Variants in PLD5 observed in about 807,000 individuals in gnomAD.
PLD5 encodes the protein phospholipase D family member 5.
Under a neutral mutation model 61.1 loss-of-function variants are expected in PLD5, and 36 were observed. The ratio of observed to expected loss-of-function variants is 0.59; its 90% confidence interval spans 0.45 to 0.78. The LOEUF is 0.78. PLD5 is among the 30% of genes least tolerant of loss of function. PLD5 has a pLI of 0.00. For synonymous variants in PLD5, 243 were observed against 242.8 expected, an observed-to-expected ratio of 1.00 and a Z score of -0.01; for missense variants, 515 against 644.4, an observed-to-expected ratio of 0.80 and a Z score of 2.17.
chr1:242,115,616 T>C (rs555516330), intron 6 of PLD5, among the ~76,000 whole-genome samples: 2 of 151,114 alleles, frequency 1.3e-5, no homozygotes, highest in South Asian at 4.2e-4. Context: ...TCATCTGAAA[T>C]GTGATGATGT....
intron 1 of PLD5, among the ~76,000 whole-genome samples, chr1:242,457,894 C>T (rs935026102): frequency 6.6e-6 from 1 of 152,196 alleles, no homozygotes; most frequent in African/African-American, 2.4e-5. Context: ...ACGCTCCTAT[C>T]GAGGTCTATG....
At chr1:242,108,082 T>G (rs1661206382) in intron 7 of PLD5, among the ~76,000 whole-genome samples, 1 of 152,124 alleles carries the variant, frequency 6.6e-6, no homozygotes, top group Non-Finnish European at 1.5e-5. Context: ...CCTTGGGCTG[T>G]GTGGGCTGGG....
At chr1:242,419,840 G>A (rs1267822607) in intron 1 of PLD5, among the ~76,000 whole-genome samples, 1 of 152,076 alleles carries the variant, frequency 6.6e-6, no homozygotes, top group African/African-American at 2.4e-5. Flanking sequence ...CACAGCTTTG[G>A]TGCCACAACT....
chr1:242,250,691 A>G (rs1323310040), intron 4 of PLD5, among the ~76,000 whole-genome samples: 4 of 152,250 alleles, frequency 2.6e-5, no homozygotes, highest in Non-Finnish European at 4.4e-5. Context: ...TTCAAATAAA[A>G]CATTCAGCAA....
At chr1:242,215,397 G>C (rs1025888240) in intron 5 of PLD5, among the ~76,000 whole-genome samples, 1 of 152,018 alleles carries the variant, frequency 6.6e-6, no homozygotes, top group Non-Finnish European at 1.5e-5. Context: ...AAACAAAAAG[G>C]GGGGAATATG....
At chr1:242,393,202 A>C (rs1197058155) in intron 1 of PLD5, among the ~76,000 whole-genome samples, 1 of 74,710 alleles carries the variant, frequency 1.3e-5, no homozygotes, top group Non-Finnish European at 2.7e-5. Flanking sequence ...ACTCCGTCTC[A>C]AAAAAATATA....
chr1:242,476,554 G>A (rs1667602831), intron 1 of PLD5, among the ~76,000 whole-genome samples: 1 of 152,080 alleles, frequency 6.6e-6, no homozygotes, highest in Non-Finnish European at 1.5e-5. Flanking sequence ...ATAATGCTAT[G>A]ATCATTACAA....
intron 1 of PLD5, among the ~76,000 whole-genome samples, chr1:242,426,566 T>C (rs986901860): frequency 2.0e-5 from 3 of 151,574 alleles, no homozygotes; most frequent in Admixed American, 2.0e-4. Flanking sequence ...GCGATTAGAG[T>C]TTTTCAGCCC....
At chr1:242,505,526 G>A (rs1668692422) in intron 1 of PLD5, among the ~76,000 whole-genome samples, 1 of 152,172 alleles carries the variant, frequency 6.6e-6, no homozygotes, top group African/African-American at 2.4e-5. Context: ...ATTTCTCAGG[G>A]AGGCTGTGAT....
chr1:242,458,701 T>C (rs1667018691), intron 1 of PLD5, among the ~76,000 whole-genome samples: 1 of 152,230 alleles, frequency 6.6e-6, no homozygotes, highest in African/African-American at 2.4e-5. Flanking sequence ...GAAAGATGCA[T>C]ATTAGTTCAA....
chr1:242,396,027 A>G (rs569450283), intron 1 of PLD5, among the ~76,000 whole-genome samples: 21 of 152,200 alleles, frequency 1.4e-4, no homozygotes, highest in African/African-American at 4.8e-4. Context: ...CAGCCTGGGT[A>G]ATAAGAATGA....
intron 1 of PLD5, among the ~76,000 whole-genome samples, chr1:242,454,090 G>T (rs2102927886): frequency 6.6e-6 from 1 of 152,284 alleles, no homozygotes; most frequent in Non-Finnish European, 1.5e-5. Flanking sequence ...AGCACTTTGG[G>T]AGGCCAAGGT....
chr1:242,378,699 G>T (rs951920870), intron 1 of PLD5, among the ~76,000 whole-genome samples: 2 of 151,956 alleles, frequency 1.3e-5, no homozygotes, highest in African/African-American at 2.4e-5. Context: ...AAATTAGCTG[G>T]GTGTGTTGGT....
At chr1:242,102,226 G>A (rs1660744869) in intron 8 of PLD5, among the ~76,000 whole-genome samples, 1 of 152,200 alleles carries the variant, frequency 6.6e-6, no homozygotes, top group East Asian at 1.9e-4. Flanking sequence ...TATTATTGTA[G>A]AATCAAGATG....
chr1:242,348,934 A>G (rs569286333), intron 1 of PLD5, among the ~76,000 whole-genome samples: 97 of 152,196 alleles, frequency 6.4e-4, no homozygotes, highest in South Asian at 2.1e-3. Flanking sequence ...GGCGCCTGTA[A>G]TCCCAGCTAC....
intron 1 of PLD5, among the ~76,000 whole-genome samples, 194 bp from the exon 2 acceptor site, chr1:242,348,436 C>T (rs1660265234): frequency 6.6e-6 from 1 of 152,120 alleles, no homozygotes; most frequent in Non-Finnish European, 1.5e-5. Context: ...CTTCAAACCC[C>T]ACTCTAAGTG....
At chr1:242,249,627 T>C (rs1350170536) in intron 4 of PLD5, among the ~76,000 whole-genome samples, 4 of 152,322 alleles carry the variant, frequency 2.6e-5, no homozygotes, top group Non-Finnish European at 2.9e-5. Context: ...GCCATATGGA[T>C]GAGTGAAGAA....
intron 1 of PLD5, among the ~76,000 whole-genome samples, chr1:242,479,027 G>C (rs1387907439): frequency 6.6e-6 from 1 of 152,170 alleles, no homozygotes; most frequent in Non-Finnish European, 1.5e-5. Context: ...ATACAAAGTA[G>C]GATTTGGTGG....
Position 242,265,193 on chromosome 1 carries a change from C to T in PLD5, c.607+144G>A, listed in dbSNP as rs1214007473. ...AGTTCCTCCACTCAAAAACTTTAAT[C>T]GAGTTATTTTTCAAAGATGTAAATG... is the stretch of plus-strand genomic sequence containing the variant. On this transcript the variant is annotated intron_variant, in intron 4 of 9. Coordinates refer to ENST00000536534, the MANE Select transcript of PLD5 (RefSeq NM_001372062.1). The T allele has an allele frequency of 1.3e-5, 14 of 1,119,708 alleles. No individual in the cohort carries two copies. The Admixed American group carries it at 1.5e-4, about 12-fold the overall frequency. 69.4% of individuals were successfully genotyped at this position (1,119,708 alleles called of 1,614,324 possible).
Sources: gnomAD v4.1 joint callset for allele counts (sites outside exome capture counted in the v4.1 genomes callset) on GRCh38, gnomAD v4.1.1 for gene constraint, MANE v1.5 for transcripts, NCBI Gene and HGNC (gene_info 2026-07-23, HGNC 2026-07-21) for gene names.